Variants in VAPA observed in about 807,000 individuals in gnomAD.
The protein encoded by VAPA is VAMP associated protein A.
A neutral mutation model predicts 25.6 loss-of-function variants in VAPA; 6 were observed. That is an observed-to-expected ratio of 0.23 (90% CI 0.13 to 0.46). VAPA has a LOEUF of 0.46. Ranked by LOEUF, VAPA falls within the 20% of genes least tolerant of loss-of-function variation. VAPA has a pLI of 0.99. For synonymous variants in VAPA, 112 were observed against 106.2 expected (o/e 1.05, Z -0.34); for missense variants, 244 against 302.1 (o/e 0.81, Z 1.43).
rs566155058 is a variant in VAPA, at chr18:9,944,782, A to G, written c.418-5613A>G. ...TTGCTTTAACATAGCTATTATTAGT[A>G]TTGTTTCTTATGCATTAATGCATTT... is the stretch of plus-strand genomic sequence containing the variant. On this transcript the variant is annotated intron_variant, in intron 4 of 5. Coordinates refer to ENST00000400000, the MANE Select transcript of VAPA (RefSeq NM_194434.3). 10 of 1,035,322 alleles carry G rather than the reference A, an allele frequency of 9.7e-6. No homozygotes were observed. In the South Asian group the frequency reaches 1.9e-4, roughly 20 times the overall value. 64.1% of individuals were successfully genotyped at this position (1,035,322 alleles called of 1,614,324 possible). A position where few individuals can be genotyped will look rare whatever the true frequency, so the allele number is the denominator to read the frequency against.
intron 5 of VAPA, among the ~76,000 whole-genome samples, chr18:9,952,228 G>A (rs537133066): frequency 1.3e-5 from 2 of 152,174 alleles, no homozygotes; most frequent in South Asian, 4.1e-4. Flanking sequence ...CTAGTGTTCT[G>A]TATGAGATTT....
rs1461525750 is a variant in VAPA at position 9,956,762 on chromosome 18, GCC to G, written c.*2552_*2553del. ...ATGTTTAGAAGTTTTTGCTTTGTCT[GCC>G]TGCTTACTTGTATATGTAAGCATGA... On this transcript the variant is annotated 3_prime_UTR_variant, in exon 6 of 6. Coordinates refer to ENST00000400000, the MANE Select transcript of VAPA (RefSeq NM_194434.3). The G allele has an allele frequency of 2.0e-5, 3 of 152,366 alleles. No homozygotes were observed. The highest frequency in any genetic ancestry group is 4.4e-5 in the Non-Finnish European group (3 of 68,016). The allele number at this position is 152,366 out of a possible 1,614,324, so 9.4% of individuals were successfully genotyped here.
intron 1 of VAPA, among the ~76,000 whole-genome samples, chr18:9,920,778 C>A (rs1293784231): frequency 6.6e-6 from 1 of 152,252 alleles, no homozygotes; most frequent in Admixed American, 6.5e-5. Context: ...TCTTTTTCTT[C>A]TGTCCATAAC....
intron 1 of VAPA, among the ~76,000 whole-genome samples, chr18:9,927,632 GA>G (rs1399870776): frequency 1.3e-5 from 2 of 152,044 alleles, no homozygotes; most frequent in Non-Finnish European, 2.9e-5. Context: ...TTTCCTGCTG[GA>G]AAAATGTTTT....
At chr18:9,931,546 C>A (rs955985171) in intron 1 of VAPA, among the ~76,000 whole-genome samples, 2 of 152,032 alleles carry the variant, frequency 1.3e-5, no homozygotes, top group African/African-American at 4.8e-5. Flanking sequence ...GTTCATAGAT[C>A]CAAAGTTTCA....
chr18:9,946,149 G>T (rs1398363662), intron 4 of VAPA, among the ~76,000 whole-genome samples: 1 of 152,064 alleles, frequency 6.6e-6, no homozygotes, highest in South Asian at 2.1e-4. Flanking sequence ...AATTCTGATG[G>T]TTAAAAAAGA....
intron 4 of VAPA, chr18:9,947,836 A>T (rs1470584032): frequency 6.6e-6 from 1 of 152,124 alleles, no homozygotes; most frequent in Non-Finnish European, 1.5e-5. Context: ...GGCTCTTCAG[A>T]TTGTCACTCC....
chr18:9,949,271 G>A (rs895949361), intron 4 of VAPA: 2 of 152,200 alleles, frequency 1.3e-5, no homozygotes, highest in African/African-American at 4.8e-5. Flanking sequence ...TGGGAAGCTT[G>A]AAGAAGAATG....
At chr18:9,951,871 A>G (rs945192662) in intron 5 of VAPA, among the ~76,000 whole-genome samples, 6 of 152,136 alleles carry the variant, frequency 3.9e-5, no homozygotes, top group Non-Finnish European at 7.3e-5. Context: ...TTCATGCTTG[A>G]TGTTTCATAG....
At chr18:9,917,510 ACCTCAGGT>A (rs1261451767) in intron 1 of VAPA, among the ~76,000 whole-genome samples, 2 of 152,144 alleles carry the variant, frequency 1.3e-5, no homozygotes, top group Non-Finnish European at 2.9e-5. Context: ...CGAACTTCTG[ACCTCAGGT>A]GATCCGCCTG....
At chr18:9,943,840 C>CTTTTTTTTTTTTTT (rs1281083775) in intron 4 of VAPA, among the ~76,000 whole-genome samples, 2 of 90,446 alleles carry the variant, frequency 2.2e-5, no homozygotes, top group South Asian at 6.6e-4. Flanking sequence ...GACATATTTC[C>CTTTTTTTTTTTTTT]CTTTTTTTTT....
chr18:9,928,528 G>A (rs1378656397), intron 1 of VAPA, among the ~76,000 whole-genome samples: 3 of 152,028 alleles, frequency 2.0e-5, no homozygotes, highest in Non-Finnish European at 4.4e-5. Flanking sequence ...GCTTACAAAG[G>A]ATACATTTTC....
intron 2 of VAPA, among the ~76,000 whole-genome samples, chr18:9,933,129 G>A (rs1034517176): frequency 1.3e-5 from 2 of 151,530 alleles, no homozygotes; most frequent in African/African-American, 4.8e-5. Flanking sequence ...AAAAAAGCCT[G>A]GGTGATCTTG....
At chr18:9,917,464 AT>A (rs1405765543) in intron 1 of VAPA, among the ~76,000 whole-genome samples, 30 of 152,004 alleles carry the variant, frequency 2.0e-4, no homozygotes, top group Admixed American at 4.6e-4. Context: ...CTAATTTTGA[AT>A]TTTTTGTAGA....
chr18:9,944,890 A>G, intron 4 of VAPA: 1 of 1,607,550 alleles, frequency 6.2e-7, no homozygotes, highest in Non-Finnish European at 8.5e-7. Context: ...GAGTTCGGTG[A>G]GAATCTGAGA....
chr18:9,943,744 A>T (rs952470389), intron 4 of VAPA, among the ~76,000 whole-genome samples: 2 of 151,504 alleles, frequency 1.3e-5, no homozygotes, highest in African/African-American at 2.4e-5. Flanking sequence ...ACTTCTAAAA[A>T]ATTTTTGAGG....
intron 3 of VAPA, 130 bp downstream of exon 3, chr18:9,936,343 C>A: frequency 2.0e-6 from 1 of 510,194 alleles, no homozygotes; most frequent in Non-Finnish European, 3.4e-6. Context: ...CTGCCAATTT[C>A]TTCATTATAG....
rs549572497 is a variant in VAPA at position 9,956,456 on chromosome 18, T to G, written c.*2245T>G. ...AATAAACATTACAAAATACAATGTA[T>G]TTTTAGGTAGGCATTTTATAAAATG... On this transcript the variant is annotated 3_prime_UTR_variant, in exon 6 of 6. Transcript: ENST00000400000. 4 of 152,632 alleles carry G rather than the reference T, an allele frequency of 2.6e-5. No homozygotes were observed. The East Asian group carries it at 7.7e-4, about 29-fold the overall frequency. 9.5% of individuals were successfully genotyped at this position (152,632 alleles called of 1,614,324 possible).
intron 4 of VAPA, among the ~76,000 whole-genome samples, chr18:9,947,219 C>T (rs2069434525): frequency 1.0e-3 from 1 of 976 alleles, no homozygotes; most frequent in African/African-American, 1.3e-3. Context: ...TGATAAAAAG[C>T]ATAACAGTAA....
Sources: gnomAD v4.1 joint callset for allele counts (sites outside exome capture counted in the v4.1 genomes callset) on GRCh38, gnomAD v4.1.1 for gene constraint, MANE v1.5 for transcripts, NCBI Gene and HGNC (gene_info 2026-07-23, HGNC 2026-07-21) for gene names.